The following LRP1B variants were observed in gnomAD, a reference collection of about 807,000 sequenced individuals.
LRP1B encodes low-density lipoprotein receptor-related protein 1B.
A neutral mutation model predicts 556.6 loss-of-function variants in LRP1B; 217 were observed. That is an observed-to-expected ratio of 0.39 (90% CI 0.35 to 0.44). The LOEUF is 0.44. LRP1B is among the 20% of genes least tolerant of loss of function. The pLI, the probability that LRP1B is intolerant of heterozygous loss-of-function variation, is 1.00. For missense variants in LRP1B, 5,053 were observed against 5,620.8 expected (o/e 0.90, Z 3.23); for synonymous variants, 2,047 against 1,865.8 (o/e 1.10, Z -2.50).
intron 16 of LRP1B, 24 bp from the exon 17 acceptor site, chr2:140,989,681 T>A (rs1697030391): frequency 6.2e-7 from 1 of 1,608,580 alleles, no homozygotes; most frequent in Non-Finnish European, 8.5e-7. Context: ...GGAAGCAAGA[T>A]TAATTATTTA....
At chr2:141,832,689 T>G (rs1007139167) in intron 1 of LRP1B, among the ~76,000 whole-genome samples, 2 of 151,706 alleles carry the variant, frequency 1.3e-5, no homozygotes, top group African/African-American at 4.8e-5. Context: ...AAATAATAAT[T>G]AAGATATAAG....
intron 6 of LRP1B, among the ~76,000 whole-genome samples, chr2:141,212,569 C>T (rs756757052): frequency 2.6e-5 from 4 of 151,290 alleles, no homozygotes; most frequent in Middle Eastern, 3.2e-3. Flanking sequence ...CACACGTGAG[C>T]GACCATGCCG....
chr2:141,602,243 G>A (rs139976357), intron 2 of LRP1B, among the ~76,000 whole-genome samples: 7 of 152,250 alleles, frequency 4.6e-5, no homozygotes, highest in African/African-American at 1.2e-4. Flanking sequence ...ACATTTTGTA[G>A]GGTAAATCTT....
chr2:141,419,012 A>G (rs1357370617), intron 3 of LRP1B, among the ~76,000 whole-genome samples: 1 of 152,062 alleles, frequency 6.6e-6, no homozygotes, highest in Non-Finnish European at 1.5e-5. Context: ...ATTGAATATT[A>G]CTTTTTTTGA....
At chr2:141,242,993 T>G (rs560401764) in intron 5 of LRP1B, among the ~76,000 whole-genome samples, 1 of 152,296 alleles carries the variant, frequency 6.6e-6, no homozygotes, top group East Asian at 1.9e-4. Context: ...TAAAATCAAT[T>G]AAAAGAAAGT....
intron 35 of LRP1B, among the ~76,000 whole-genome samples, chr2:140,730,382 A>G (rs1029882769): frequency 5.9e-5 from 9 of 152,230 alleles, no homozygotes; most frequent in African/African-American, 2.2e-4. Flanking sequence ...GATAGCATCC[A>G]AACTTTTTTG....
In LRP1B at chr2:141,904,855, G is replaced by A. The variant is rs560144383; in HGVS notation, c.83-94454C>T. 9.2e-5 allele frequency among the ~76,000 whole-genome samples: 14 copies of A among 152,002 alleles called. No individual in the cohort carries two copies. The East Asian group carries it at 1.9e-3, about 21-fold the overall frequency. On this transcript the variant is annotated intron_variant, in intron 1 of 90. Coordinates refer to ENST00000389484, the MANE Select transcript of LRP1B (RefSeq NM_018557.3). ...CATTTCAAGAAACAAGGAAATGTACGCTGTTTTAATTGCGGCTGACAAGTC... is the reference window on the plus strand; with the variant it reads ...CATTTCAAGAAACAAGGAAATGTACACTGTTTTAATTGCGGCTGACAAGTC...
chr2:141,461,599 T>C (rs1681875552), intron 3 of LRP1B, among the ~76,000 whole-genome samples: 1 of 152,220 alleles, frequency 6.6e-6, no homozygotes, highest in Admixed American at 6.5e-5. Context: ...CTGGTCTATG[T>C]TGACTGTATT....
At chr2:140,694,973 T>G (rs1686376091) in intron 41 of LRP1B, among the ~76,000 whole-genome samples, 1 of 152,016 alleles carries the variant, frequency 6.6e-6, no homozygotes, top group South Asian at 2.1e-4. Flanking sequence ...GATGTCCCTA[T>G]TTCTTGTTCT....
chr2:141,135,246 G>A (rs890628772), intron 7 of LRP1B, among the ~76,000 whole-genome samples: 5 of 151,854 alleles, frequency 3.3e-5, no homozygotes, highest in Non-Finnish European at 7.4e-5. Context: ...ATGGAAATAT[G>A]TACTTGTCAG....
At position 141,348,600 on chromosome 2, in the gene LRP1B, G is replaced by C. The variant is rs1355954583; in HGVS notation, c.344-93959C>G. 2.6e-5 allele frequency among the ~76,000 whole-genome samples: 4 copies of C among 151,862 alleles called. No homozygotes were observed. The East Asian group carries it at 7.7e-4, about 29-fold the overall frequency. On this transcript the variant is annotated intron_variant, in intron 3 of 90. Coordinates refer to ENST00000389484, the MANE Select transcript of LRP1B (RefSeq NM_018557.3). ...AAATCACATTACATTTCCCTATCTT[G>C]TTTATGTAGTAATATTAATAATTTG...
chr2:142,000,878 T>C (rs888808194), intron 1 of LRP1B, among the ~76,000 whole-genome samples: 2 of 152,100 alleles, frequency 1.3e-5, no homozygotes, highest in Admixed American at 1.3e-4. Context: ...GCTCCTGATA[T>C]GGTTTGGCTG....
intron 43 of LRP1B, among the ~76,000 whole-genome samples, chr2:140,594,055 G>A (rs1682335282): frequency 1.3e-5 from 2 of 151,542 alleles, no homozygotes; most frequent in Non-Finnish European, 2.9e-5. Flanking sequence ...TCGGCTTACT[G>A]CAACCTCCAC....
chr2:140,399,069 A>G (rs2105224451), intron 66 of LRP1B, among the ~76,000 whole-genome samples: 1 of 152,190 alleles, frequency 6.6e-6, no homozygotes, highest in Non-Finnish European at 1.5e-5. Context: ...AAACCATTCA[A>G]ATACTTATCT....
chr2:140,578,745 A>T (rs960100679), intron 43 of LRP1B, among the ~76,000 whole-genome samples: 2 of 152,202 alleles, frequency 1.3e-5, no homozygotes, highest in African/African-American at 4.8e-5. Context: ...TATAATAAAA[A>T]AAAATAAAAT....
chr2:140,444,774 AAT>A, intron 63 of LRP1B, 95 bp from the exon 64 acceptor site: 1 of 744,932 alleles, frequency 1.3e-6, no homozygotes, highest in Non-Finnish European at 2.3e-6. Flanking sequence ...TACTATAATA[AAT>A]ATATCCTGGA....
intron 35 of LRP1B, among the ~76,000 whole-genome samples, chr2:140,760,289 T>A (rs1448892749): frequency 2.0e-5 from 3 of 152,198 alleles, no homozygotes; most frequent in African/African-American, 7.2e-5. Context: ...TGGATAATAC[T>A]TCATTTTGGG....
At chr2:140,773,144 T>G (rs2104944019) in intron 33 of LRP1B, among the ~76,000 whole-genome samples, 1 of 151,720 alleles carries the variant, frequency 6.6e-6, no homozygotes. Flanking sequence ...AGAAATAGGT[T>G]AGGAAAGACC....
intron 41 of LRP1B, among the ~76,000 whole-genome samples, chr2:140,619,103 ACACACACACAC>A (rs1559009821): frequency 2.1e-4 from 31 of 150,932 alleles, no homozygotes; most frequent in African/African-American, 7.1e-4. Flanking sequence ...ACACACACAC[ACACACACACAC>A]AACTCTGACT....
Sources: allele counts gnomAD v4.1 joint callset (sites outside exome capture counted in the v4.1 genomes callset), GRCh38; gene constraint gnomAD v4.1.1; transcripts MANE v1.5; gene names NCBI Gene and HGNC (gene_info 2026-07-23, HGNC 2026-07-21).